ST8SIA2: variants seen among roughly 807,000 people sequenced by gnomAD.
The protein encoded by ST8SIA2 is alpha-2,8-sialyltransferase 8B.
In ST8SIA2, 22 loss-of-function variants were observed where a neutral mutation model predicts 37.6. The observed-to-expected ratio is 0.58, with a 90% confidence interval of 0.42 to 0.83. The LOEUF (loss-of-function observed/expected upper bound fraction) is 0.83. Among genes scored for constraint, ST8SIA2 ranks in the 40% least tolerant of loss-of-function variants. ST8SIA2 has a pLI of 0.00. For missense variants in ST8SIA2, 382 were observed against 484.7 expected (o/e 0.79, Z 1.99); for synonymous variants, 205 against 201.2 (o/e 1.02, Z -0.16).
chr15:92,409,273 G>A (rs990531365), intron 1 of ST8SIA2, among the ~76,000 whole-genome samples: 44 of 152,168 alleles, frequency 2.9e-4, no homozygotes, highest in Non-Finnish European at 4.7e-4. Context: ...TATTAGGGAG[G>A]AGGGTTTTCA....
At chr15:92,432,676 A>AT in intron 2 of ST8SIA2, among the ~76,000 whole-genome samples, 1 of 152,174 alleles carries the variant, frequency 6.6e-6, no homozygotes, top group South Asian at 2.1e-4. Context: ...CCTTACTCAA[A>AT]ACTCGTCAAT....
intron 5 of ST8SIA2, among the ~76,000 whole-genome samples, chr15:92,446,302 G>C (rs1020205283): frequency 6.6e-6 from 1 of 152,174 alleles, no homozygotes; most frequent in Non-Finnish European, 1.5e-5. Context: ...CCTTAGAGTG[G>C]TCAGACGTGT....
At chr15:92,440,686 C>T (rs1022504994) in intron 4 of ST8SIA2, among the ~76,000 whole-genome samples, 8 of 152,096 alleles carry the variant, frequency 5.3e-5, no homozygotes, top group East Asian at 1.9e-4. Context: ...ATCAGGGATA[C>T]GATACCCAGC....
rs1361010204 is a variant in ST8SIA2, at chr15:92,434,255, T to C, written c.170T>C (p.Val57Ala). Residue 57 changes from valine to alanine, a missense_variant, in exon 3 of 6, where the codon GTT becomes GCT. Transcript: ENST00000268164. Reference protein sequence around the residue: ...SLHSKSNRAEVVINGSSSPAV... With the variant: ...SLHSKSNRAEAVINGSSSPAV... ...TTTTTTTTCCCTTCCAGAGCTGAAG[T>C]TGTAATAAACGGCTCCTCATCACCA... The C allele has an allele frequency of 6.2e-7, 1 of 1,614,002 alleles. No individual in the cohort carries two copies. The highest frequency in any genetic ancestry group is 1.3e-5 in the African/African-American group (1 of 74,980).
chr15:92,446,268 T>C (rs148010553), intron 5 of ST8SIA2, among the ~76,000 whole-genome samples: 2 of 152,316 alleles, frequency 1.3e-5, no homozygotes, highest in East Asian at 3.9e-4. Flanking sequence ...ATGGGCTAGA[T>C]TGGGCTTCCT....
chr15:92,426,343 G>A (rs572939439), intron 1 of ST8SIA2, among the ~76,000 whole-genome samples: 3 of 152,128 alleles, frequency 2.0e-5, no homozygotes, highest in Non-Finnish European at 4.4e-5. Context: ...GTGGATGGGC[G>A]GGCTGGTGGA....
intron 5 of ST8SIA2, among the ~76,000 whole-genome samples, chr15:92,456,183 G>A (rs1424865789): frequency 2.0e-5 from 3 of 152,222 alleles, no homozygotes; most frequent in Non-Finnish European, 4.4e-5. Flanking sequence ...CCGCCATGTA[G>A]CAGGAAAAAC....
Position 92,394,072 on chromosome 15 carries a change from T to C in ST8SIA2, c.8T>C (p.Leu3Pro). 1.3e-6 allele frequency: 2 copies of C among 1,552,190 alleles called. No individual in the cohort carries two copies. The highest frequency in any genetic ancestry group is 8.7e-7 in the Non-Finnish European group (1 of 1,147,288). Reference sequence around the variant, plus strand: ...GGCGGGCGCGAACCCACCATGCAGCTGCAGTTCCGGAGCTGGATGCTGGCC... The same window carrying C: ...GGCGGGCGCGAACCCACCATGCAGCCGCAGTTCCGGAGCTGGATGCTGGCC... MQLQFRSWMLAAL... is the reference protein window; with the variant it reads MQPQFRSWMLAAL... Residue 3 changes from leucine to proline, a missense_variant, in exon 1 of 6, where the codon CTG (leucine) becomes CCG (proline). By Grantham distance (98) the Leu-to-Pro change is moderately conservative (BLOSUM62 -3). Transcript: ENST00000268164.
intron 5 of ST8SIA2, among the ~76,000 whole-genome samples, chr15:92,453,607 C>T (rs192979707): frequency 3.0e-4 from 46 of 152,254 alleles, no homozygotes; most frequent in African/African-American, 1.1e-3. Context: ...GGGAGGTTGG[C>T]GATGGCCTTG....
At chr15:92,415,505 C>T (rs762350736) in intron 1 of ST8SIA2, among the ~76,000 whole-genome samples, 6 of 151,900 alleles carry the variant, frequency 3.9e-5, no homozygotes, top group African/African-American at 7.2e-5. Context: ...TAAGTGATGA[C>T]GCTCAGTGTA....
chr15:92,395,286 C>T (rs1337582063), intron 1 of ST8SIA2, among the ~76,000 whole-genome samples: 1 of 152,252 alleles, frequency 6.6e-6, no homozygotes, highest in Non-Finnish European at 1.5e-5. Context: ...TCCCGCGCCG[C>T]GTGCGCCCCT....
intron 5 of ST8SIA2, among the ~76,000 whole-genome samples, chr15:92,449,109 C>T (rs2049863665): frequency 6.6e-6 from 1 of 152,066 alleles, no homozygotes. Context: ...CAAACGATCC[C>T]ACCACCCAGG....
chr15:92,450,249 CA>C (rs886998681), intron 5 of ST8SIA2, among the ~76,000 whole-genome samples: 15 of 152,134 alleles, frequency 9.9e-5, no homozygotes, highest in African/African-American at 2.9e-4. Context: ...AGCTCAACAA[CA>C]AAAAACCCAA....
At chr15:92,434,193 C>T (rs535137355) in intron 2 of ST8SIA2, 54 bp from the exon 3 acceptor site, 18 of 1,610,540 alleles carry the variant, frequency 1.1e-5, no homozygotes, top group South Asian at 3.3e-5. Context: ...TTAGACTTGT[C>T]GTCGGCTTGC....
intron 1 of ST8SIA2, among the ~76,000 whole-genome samples, chr15:92,411,549 A>T (rs2049549525): frequency 6.6e-6 from 1 of 152,178 alleles, no homozygotes; most frequent in Non-Finnish European, 1.5e-5. Flanking sequence ...TTTAAACATG[A>T]TCATTTTAAG....
chr15:92,426,653 G>A (rs1331498828), intron 1 of ST8SIA2, among the ~76,000 whole-genome samples: 1 of 152,208 alleles, frequency 6.6e-6, no homozygotes, highest in Non-Finnish European at 1.5e-5. Context: ...GTGAGGAGGG[G>A]AGGTATTGGG....
intron 5 of ST8SIA2, among the ~76,000 whole-genome samples, chr15:92,452,300 C>T (rs762240703): frequency 2.0e-5 from 3 of 152,194 alleles, no homozygotes; most frequent in Non-Finnish European, 4.4e-5. Flanking sequence ...GTGGGGCCCA[C>T]CAATCTGTGT....
chr15:92,408,913 T>C (rs2049529165), intron 1 of ST8SIA2, among the ~76,000 whole-genome samples: 1 of 151,730 alleles, frequency 6.6e-6, no homozygotes. Flanking sequence ...ACCATGTTGG[T>C]CAGGCTGGTC....
chr15:92,420,325 C>T (rs1202058698), intron 1 of ST8SIA2, among the ~76,000 whole-genome samples: 2 of 152,120 alleles, frequency 1.3e-5, no homozygotes, highest in East Asian at 3.9e-4. Context: ...TTATAGGTGA[C>T]CCACAGTTTC....
Sources: gnomAD v4.1 joint callset for allele counts (sites outside exome capture counted in the v4.1 genomes callset) on GRCh38, gnomAD v4.1.1 for gene constraint, MANE v1.5 for transcripts, NCBI Gene and HGNC (gene_info 2026-07-23, HGNC 2026-07-21) for gene names.